GPC5: variants seen among roughly 807,000 people sequenced by gnomAD.
GPC5 encodes glypican 5.
In GPC5, 47 loss-of-function variants were observed where a neutral mutation model predicts 53.9. The observed-to-expected ratio is 0.87, with a 90% CI of 0.69 to 1.11. The LOEUF is 1.11. Among genes scored for constraint, GPC5 ranks in the 50% most tolerant of loss-of-function variants. The pLI, the probability that GPC5 is intolerant of heterozygous loss-of-function variation, is 0.00. For missense variants in GPC5, 748 were observed against 713.1 expected (o/e 1.05, Z -0.56); for synonymous variants, 286 against 263.3 (o/e 1.09, Z -0.84).
chr13:91,746,457 T>C (rs982799973), intron 4 of GPC5, among the ~76,000 whole-genome samples: 1 of 152,210 alleles, frequency 6.6e-6, no homozygotes, highest in Non-Finnish European at 1.5e-5. Context: ...TAATTAGCTT[T>C]GGTCAAAATT....
intron 6 of GPC5, among the ~76,000 whole-genome samples, chr13:92,077,108 G>A (rs1014642145): frequency 5.9e-5 from 9 of 151,870 alleles, no homozygotes; most frequent in East Asian, 1.9e-4. Context: ...GAATTGCCCC[G>A]CCTTTCTGAA....
rs1386261464 is a variant in GPC5 at position 92,527,237 on chromosome 13, GAAAGAAAGAAAGAGAAAGAA to G, written c.1562-339043_1562-339024del. ...AGAAAGAAAGAAAGAAAGAAAGAAA[GAAAGAAAGAAAGAGAAAGAA>G]AGAAAGAAAGAAAGAAAGAAAGAAA... On this transcript the variant is annotated intron_variant, in intron 7 of 7. Coordinates refer to ENST00000377067, the MANE Select transcript of GPC5 (RefSeq NM_004466.6). Among the ~76,000 whole-genome samples, 338 of 37,054 alleles carry G rather than the reference GAAAGAAAGAAAGAGAAAGAA, an allele frequency of 9.1e-3. 20 individuals are homozygous for G. Among genetic ancestry groups the G allele is most frequent in the Middle Eastern group, 0.075 (3 of 40 alleles). The allele number at this position is 37,054 out of a possible 152,430, so 24.3% of individuals were successfully genotyped here. A position where few individuals can be genotyped will look rare whatever the true frequency, so the allele number is the denominator to read the frequency against.
intron 7 of GPC5, among the ~76,000 whole-genome samples, chr13:92,437,926 A>G (rs888535771): frequency 6.6e-6 from 1 of 152,126 alleles, no homozygotes; most frequent in Admixed American, 6.6e-5. Context: ...GTGTTCACGA[A>G]TTACAGTGGG....
intron 7 of GPC5, among the ~76,000 whole-genome samples, chr13:92,148,635 A>G (rs1227096332): frequency 6.6e-6 from 1 of 152,094 alleles, no homozygotes; most frequent in Non-Finnish European, 1.5e-5. Flanking sequence ...ACATAGATAT[A>G]GATAGTTCAC....
intron 5 of GPC5, among the ~76,000 whole-genome samples, chr13:91,891,664 A>T (rs1335157810): frequency 6.6e-6 from 1 of 152,154 alleles, no homozygotes; most frequent in Non-Finnish European, 1.5e-5. Flanking sequence ...AAATGTCCAT[A>T]AATCTGGAGA....
intron 7 of GPC5, chr13:92,447,569 C>T (rs1566594652): frequency 1.3e-5 from 2 of 151,950 alleles, no homozygotes; most frequent in African/African-American, 4.8e-5. Context: ...CCATACTCAA[C>T]AAACTTCAAA....
intron 4 of GPC5, among the ~76,000 whole-genome samples, chr13:91,729,460 T>G (rs2036647501): frequency 6.6e-6 from 1 of 152,340 alleles, no homozygotes; most frequent in Admixed American, 6.5e-5. Flanking sequence ...TTTATATTCA[T>G]TTAGTAAATA....
At chr13:92,559,361 TG>T (rs1882613798) in intron 7 of GPC5, among the ~76,000 whole-genome samples, 4 of 151,478 alleles carry the variant, frequency 2.6e-5, no homozygotes, top group African/African-American at 7.3e-5. Context: ...TGTGTGTGTG[TG>T]TGTGTGTTGG....
chr13:92,224,254 C>G (rs72636840), intron 7 of GPC5, among the ~76,000 whole-genome samples: 4 of 151,978 alleles, frequency 2.6e-5, no homozygotes, highest in Non-Finnish European at 2.9e-5. Flanking sequence ...GAACCAACCT[C>G]TCTCTTCTCC....
intron 2 of GPC5, among the ~76,000 whole-genome samples, chr13:91,558,187 T>G (rs17483): frequency 0.47 from 71,032 of 151,858 alleles, 18,339 homozygotes; most frequent in African/African-American, 0.71. Context: ...GTCAAAACAA[T>G]TCTTGGTGAG....
At chr13:92,472,416 A>G (rs1878948649) in intron 7 of GPC5, among the ~76,000 whole-genome samples, 1 of 152,080 alleles carries the variant, frequency 6.6e-6, no homozygotes, top group Admixed American at 6.6e-5. Flanking sequence ...GATAACATAT[A>G]TAAGTTAGCT....
chr13:91,531,562 A>G (rs1462345434), intron 2 of GPC5, among the ~76,000 whole-genome samples: 1 of 152,194 alleles, frequency 6.6e-6, no homozygotes, highest in Non-Finnish European at 1.5e-5. Context: ...CTTGCAGAAG[A>G]AAACAGAAGG....
intron 2 of GPC5, among the ~76,000 whole-genome samples, chr13:91,518,785 C>T (rs1365789034): frequency 6.6e-6 from 1 of 152,194 alleles, no homozygotes; most frequent in African/African-American, 2.4e-5. Flanking sequence ...GATCTCCTGA[C>T]CTTGTGATCC....
chr13:91,899,187 A>T (rs369813179), intron 5 of GPC5, among the ~76,000 whole-genome samples: 2 of 152,132 alleles, frequency 1.3e-5, no homozygotes, highest in East Asian at 3.9e-4. Context: ...AGAACAAATC[A>T]TTTTTGAAGT....
At chr13:91,458,862 T>C (rs1881734219) in intron 2 of GPC5, among the ~76,000 whole-genome samples, 1 of 152,140 alleles carries the variant, frequency 6.6e-6, no homozygotes, top group African/African-American at 2.4e-5. Context: ...GTATATACCA[T>C]GGAATATGAC....
intron 1 of GPC5, among the ~76,000 whole-genome samples, chr13:91,420,787 C>T (rs890762841): frequency 3.9e-5 from 6 of 152,180 alleles, no homozygotes; most frequent in African/African-American, 1.4e-4. Flanking sequence ...AGGAGCTCTT[C>T]ACTCTTCTCT....
At chr13:91,996,125 T>G (rs1218061340) in intron 6 of GPC5, 1 of 152,262 alleles carries the variant, frequency 6.6e-6, no homozygotes, top group Non-Finnish European at 1.5e-5. Flanking sequence ...ATTGTTTTTT[T>G]GAGGACAAGG....
chr13:91,963,676 T>A (rs773342183), intron 6 of GPC5, among the ~76,000 whole-genome samples: 1 of 152,204 alleles, frequency 6.6e-6, no homozygotes, highest in South Asian at 2.1e-4. Context: ...AAGATAATGA[T>A]TAAAATTATT....
At position 91,622,542 on chromosome 13, in the gene GPC5, A is replaced by G. The variant is rs912357244; in HGVS notation, c.326-70645A>G. Among the ~76,000 whole-genome samples the G allele has an allele frequency of 4.6e-5, 7 of 152,164 alleles. No homozygotes were observed. In the South Asian group the frequency reaches 1.4e-3, roughly 31 times the overall value. ...TTCACGAAGTACTATAAAAAAGTTTACATATGAATTGAAGAAATATTTTCT... is the reference window on the plus strand; with the variant it reads ...TTCACGAAGTACTATAAAAAAGTTTGCATATGAATTGAAGAAATATTTTCT... On this transcript the variant is annotated intron_variant, in intron 2 of 7. Coordinates refer to ENST00000377067, the MANE Select transcript of GPC5 (RefSeq NM_004466.6).
Sources: allele counts gnomAD v4.1 joint callset (sites outside exome capture counted in the v4.1 genomes callset), GRCh38; gene constraint gnomAD v4.1.1; transcripts MANE v1.5; gene names NCBI Gene and HGNC (gene_info 2026-07-23, HGNC 2026-07-21).